LEMD3: variants seen among roughly 807,000 people sequenced by gnomAD.
LEMD3 encodes the protein inner nuclear membrane protein Man1.
A neutral mutation model predicts 95.2 loss-of-function variants in LEMD3; 33 were observed. The observed-to-expected ratio is 0.35, with a 90% CI of 0.26 to 0.46. The LOEUF (loss-of-function observed/expected upper bound fraction) is 0.46. LEMD3 is among the 20% of genes least tolerant of loss of function. The pLI is 1.00. For missense variants in LEMD3, 1,210 were observed against 1,192.8 expected, an observed-to-expected ratio of 1.01 and a Z score of -0.21; for synonymous variants, 525 against 474.6, an observed-to-expected ratio of 1.11 and a Z score of -1.38.
At chr12:65,204,124 G>T (rs1036712398) in intron 1 of LEMD3, among the ~76,000 whole-genome samples, 15 of 151,390 alleles carry the variant, frequency 9.9e-5, no homozygotes, top group African/African-American at 3.6e-4. Context: ...GATGTTCAAA[G>T]TCAGACTTAA....
intron 1 of LEMD3, among the ~76,000 whole-genome samples, chr12:65,204,667 T>TATAATA (rs995326802): frequency 2.0e-5 from 3 of 152,126 alleles, no homozygotes; most frequent in African/African-American, 7.2e-5. Context: ...TATAATAGAA[T>TATAATA]GATTTATATT....
Position 65,247,234 on chromosome 12 carries a change from AAAG to A in LEMD3, c.*915_*917del, listed in dbSNP as rs1318404865. 1 of 152,616 alleles carries A rather than the reference AAAG, an allele frequency of 6.6e-6. No homozygotes were observed. Among genetic ancestry groups the A allele is most frequent in the Non-Finnish European group, 1.5e-5 (1 of 68,014 alleles). 9.5% of individuals were successfully genotyped at this position (152,616 alleles called of 1,614,324 possible). A position where few individuals can be genotyped will look rare whatever the true frequency, so the allele number is the denominator to read the frequency against. On this transcript the variant is annotated 3_prime_UTR_variant, in exon 13 of 13. Coordinates refer to ENST00000308330, the MANE Select transcript of LEMD3 (RefSeq NM_014319.5). ...ATAGAGTCAAATTTATGTGAGCAATAAAGAAGAAATTGGCAGATATTGGAAAAA... is the reference window on the plus strand; with the variant it reads ...ATAGAGTCAAATTTATGTGAGCAATAAAGAAATTGGCAGATATTGGAAAAA...
intron 1 of LEMD3, among the ~76,000 whole-genome samples, chr12:65,196,425 T>C (rs1260720161): frequency 6.6e-6 from 1 of 152,062 alleles, no homozygotes; most frequent in Non-Finnish European, 1.5e-5. Context: ...CTGTGGCCCC[T>C]GTAACTCTTG....
intron 6 of LEMD3, 100 bp from the exon 7 acceptor site, chr12:65,239,829 T>G (rs1327836572): frequency 1.3e-6 from 1 of 793,248 alleles, no homozygotes; most frequent in Non-Finnish European, 2.2e-6. Flanking sequence ...GCCATCTGTC[T>G]TGAAGGTTCA....
In LEMD3 at chr12:65,170,003, T is replaced by A; in HGVS notation, c.407T>A (p.Leu136Gln). 6.7e-7 allele frequency: 1 copy of A among 1,497,300 alleles called. No homozygotes were observed. Among genetic ancestry groups the A allele is most frequent in the Non-Finnish European group, 8.8e-7 (1 of 1,133,772 alleles). The allele number at this position is 1,497,300 out of a possible 1,614,324, so 92.8% of individuals were successfully genotyped here. The change falls in exon 1 of 13, where the codon CTG (leucine) becomes CAG (glutamine). Residue 136 changes from leucine to glutamine, a missense_variant. Leu to Gln is a moderately radical substitution (Grantham distance 113). This residue lies in a region of LEMD3 where 749 missense variants were observed against 622.9 expected (regional missense o/e 1.20). Transcript: ENST00000308330. ...SAAPAAGSKV[L>Q]LGFSSDESDV... ...GCCCCCGCGGCTGGCAGCAAAGTGC[T>A]GCTGGGCTTCAGCTCGGACGAGTCG...
intron 4 of LEMD3, among the ~76,000 whole-genome samples, chr12:65,221,476 G>C (rs1179956673): frequency 1.3e-5 from 2 of 151,734 alleles, no homozygotes; most frequent in Non-Finnish European, 2.9e-5. Flanking sequence ...TCCTGCCTTG[G>C]CCTCCTAAAG....
rs1871168245 is a variant in LEMD3, at chr12:65,248,040, T to C, written c.*1715T>C. 6.6e-6 allele frequency: 1 copy of C among 152,528 alleles called. No individual in the cohort carries two copies. Among genetic ancestry groups the C allele is most frequent in the African/African-American group, 2.4e-5 (1 of 41,450 alleles). The allele number at this position is 152,528 out of a possible 1,614,324, so 9.4% of individuals were successfully genotyped here. A position where few individuals can be genotyped will look rare whatever the true frequency, so the allele number is the denominator to read the frequency against. The stretch of plus-strand genomic sequence containing the variant: ...TCTTGTAACCTGTTGCAAGAGTGAA[T>C]GTAAAAAATAGTTGTGGCATTTTAA... On this transcript the variant is annotated 3_prime_UTR_variant, in exon 13 of 13. Transcript: ENST00000308330.
intron 1 of LEMD3, among the ~76,000 whole-genome samples, chr12:65,177,911 A>G (rs1363840984): frequency 6.7e-6 from 1 of 149,894 alleles, no homozygotes; most frequent in Non-Finnish European, 1.5e-5. Flanking sequence ...TGGTGTGATC[A>G]TGGCTTACTG....
At chr12:65,230,720 C>T (rs1052356314) in intron 4 of LEMD3, among the ~76,000 whole-genome samples, 1 of 152,136 alleles carries the variant, frequency 6.6e-6, no homozygotes, top group Non-Finnish European at 1.5e-5. Flanking sequence ...AATTTTTCTC[C>T]TTTCCAATTT....
chr12:65,177,606 G>A (rs1868763849), intron 1 of LEMD3, among the ~76,000 whole-genome samples: 1 of 152,264 alleles, frequency 6.6e-6, no homozygotes, highest in Non-Finnish European at 1.5e-5. Context: ...GGTGCTGAAT[G>A]TGAGTACTAG....
At chr12:65,242,944 A>G (rs998788096) in intron 9 of LEMD3, among the ~76,000 whole-genome samples, 11 of 152,020 alleles carry the variant, frequency 7.2e-5, no homozygotes, top group Admixed American at 1.3e-4. Context: ...GTTTATCTCT[A>G]TTCTTTCTAC....
At chr12:65,211,879 T>G (rs1203987331) in intron 2 of LEMD3, among the ~76,000 whole-genome samples, 1 of 152,220 alleles carries the variant, frequency 6.6e-6, no homozygotes, top group African/African-American at 2.4e-5. Flanking sequence ...ACTGAAATTC[T>G]GAACTTCTGA....
chr12:65,240,493 A>G (rs1338121943), intron 8 of LEMD3: 2 of 477,920 alleles, frequency 4.2e-6, no homozygotes, highest in African/African-American at 3.9e-5. Context: ...GTTAGTCTCC[A>G]TCTTATTTCC....
chr12:65,186,273 A>G (rs1869059902), intron 1 of LEMD3, among the ~76,000 whole-genome samples: 1 of 152,014 alleles, frequency 6.6e-6, no homozygotes, highest in Non-Finnish European at 1.5e-5. Flanking sequence ...ATACTTATTC[A>G]TCTAAATGAT....
intron 3 of LEMD3, among the ~76,000 whole-genome samples, chr12:65,216,473 AATTGC>A (rs1249594706): frequency 1.3e-5 from 2 of 152,060 alleles, no homozygotes; most frequent in Non-Finnish European, 2.9e-5. Context: ...TCTCCGGATT[AATTGC>A]ATTTTCCTCA....
At chr12:65,230,001 G>C (rs1415218544) in intron 4 of LEMD3, among the ~76,000 whole-genome samples, 1 of 152,138 alleles carries the variant, frequency 6.6e-6, no homozygotes, top group Non-Finnish European at 1.5e-5. Context: ...TGTATGGTGA[G>C]AAATAAGGGG....
At chr12:65,210,096 G>A (rs983268938) in intron 1 of LEMD3, among the ~76,000 whole-genome samples, 2 of 148,770 alleles carry the variant, frequency 1.3e-5, no homozygotes, top group Non-Finnish European at 1.5e-5. Context: ...ATATTCAGCC[G>A]TAAACATTTT....
At position 65,240,656 on chromosome 12, in the gene LEMD3, C is replaced by G. The variant is rs1229105016; in HGVS notation, c.2127-253C>G. ...TAAAAGATAATTCCATATCCTGAAG[C>G]AGCATCTTGACCCTAGCAACACATA... On this transcript the variant is annotated intron_variant, in intron 8 of 12. Transcript: ENST00000308330. 5 of 507,906 alleles carry G rather than the reference C, an allele frequency of 9.8e-6. No homozygotes were observed. The South Asian group carries it at 1.1e-4, about 11-fold the overall frequency. The allele number at this position is 507,906 out of a possible 1,614,324, so 31.5% of individuals were successfully genotyped here.
intron 4 of LEMD3, among the ~76,000 whole-genome samples, chr12:65,223,298 GAT>G (rs1870348173): frequency 2.1e-5 from 3 of 139,746 alleles, no homozygotes; most frequent in South Asian, 4.5e-4. Context: ...CTCATGTGAT[GAT>G]TTTTTTTTTT....
Sources: gnomAD v4.1 joint callset for allele counts (sites outside exome capture counted in the v4.1 genomes callset) on GRCh38, gnomAD v4.1.1 for gene constraint, gnomAD v4.1.1 regional missense constraint, MANE v1.5 for transcripts, NCBI Gene and HGNC (gene_info 2026-07-23, HGNC 2026-07-21) for gene names.